The following TRIP11 variants were observed in gnomAD, a reference collection of about 807,000 sequenced individuals.
The protein encoded by TRIP11 is thyroid receptor-interacting protein 11.
In TRIP11, 148 loss-of-function variants were observed where a neutral mutation model predicts 223.1. That is an observed-to-expected ratio of 0.66 (90% confidence interval 0.58 to 0.76). TRIP11 has a LOEUF of 0.76. TRIP11 is among the 30% of genes least tolerant of loss of function. The pLI is 0.00. For synonymous variants in TRIP11, 762 were observed against 772.6 expected, an observed-to-expected ratio of 0.99 and a Z score of 0.23; for missense variants, 2,043 against 2,222.0, an observed-to-expected ratio of 0.92 and a Z score of 1.62.
chr14:91,992,736 C>T (rs1480918021), intron 15 of TRIP11, among the ~76,000 whole-genome samples: 3 of 151,516 alleles, frequency 2.0e-5, no homozygotes, highest in East Asian at 1.9e-4. Flanking sequence ...GGTGAAACCT[C>T]GTCTCTACTA....
Position 92,004,061 on chromosome 14 carries a change from A to G in TRIP11, c.3915T>C (p.Leu1305=). The change falls in exon 11 of 21, where the codon CTT becomes CTC. Residue 1305 remains leucine, a synonymous_variant. Transcript: ENST00000267622. ...IGQLCNTKDL[L]LGKLDIISPQ... ...GTGAAATAATATCAAGTTTTCCTAA[A>G]AGAAGATCCTTGGTATTGCAAAGCT... is the stretch of plus-strand genomic sequence containing the variant. The G allele has an allele frequency of 6.2e-7, 1 of 1,614,182 alleles. No individual in the cohort carries two copies. Among genetic ancestry groups the G allele is most frequent in the Non-Finnish European group, 8.5e-7 (1 of 1,180,036 alleles).
chr14:92,036,080 G>T (rs1172606753), intron 1 of TRIP11, among the ~76,000 whole-genome samples: 1 of 152,138 alleles, frequency 6.6e-6, no homozygotes, highest in Non-Finnish European at 1.5e-5. Context: ...TCTGTGGTTG[G>T]TTGTACATCT....
At chr14:91,990,806 G>A (rs1206568206) in intron 15 of TRIP11, among the ~76,000 whole-genome samples, 1 of 152,200 alleles carries the variant, frequency 6.6e-6, no homozygotes, top group Non-Finnish European at 1.5e-5. Flanking sequence ...GCAAGACTCT[G>A]TCTCTAAGAA....
Position 91,969,954 on chromosome 14 carries a change from C to T in TRIP11, c.5720-61G>A, listed in dbSNP as rs936187347. 1.1e-5 allele frequency: 16 copies of T among 1,468,322 alleles called. No homozygotes were observed. In the African/African-American group the frequency reaches 1.8e-4, roughly 17 times the overall value. The allele number at this position is 1,468,322 out of a possible 1,614,324, so 91.0% of individuals were successfully genotyped here. A position where few individuals can be genotyped will look rare whatever the true frequency, so the allele number is the denominator to read the frequency against. On this transcript the variant is annotated intron_variant, in intron 20 of 20. Transcript: ENST00000267622. ...TCACAAAGAAGTCAAAATGAAATAA[C>T]TCTGAATGTAATAGCATAAAGTTAT...
At chr14:92,017,296 T>C (rs1002170880) in intron 5 of TRIP11, among the ~76,000 whole-genome samples, 1 of 152,046 alleles carries the variant, frequency 6.6e-6, no homozygotes, top group Non-Finnish European at 1.5e-5. Flanking sequence ...AATCCCAGCG[T>C]TGTGGGAGGC....
chr14:91,995,601 C>T (rs1372032626), intron 13 of TRIP11, 86 bp from the exon 14 acceptor site: 2 of 1,304,222 alleles, frequency 1.5e-6, no homozygotes, highest in East Asian at 2.6e-5. Flanking sequence ...CATCTTATTA[C>T]TTTATTTTAT....
At chr14:91,985,108 C>G (rs2056590140) in intron 16 of TRIP11, among the ~76,000 whole-genome samples, 1 of 152,098 alleles carries the variant, frequency 6.6e-6, no homozygotes, top group Non-Finnish European at 1.5e-5. Flanking sequence ...ACTCAAGTTC[C>G]TTTTCTCCAT....
intron 2 of TRIP11, among the ~76,000 whole-genome samples, chr14:92,029,143 T>A (rs772038856): frequency 6.6e-6 from 1 of 152,102 alleles, no homozygotes; most frequent in African/African-American, 2.4e-5. Context: ...ATGGGAATTT[T>A]AAAAAATCAT....
intron 16 of TRIP11, among the ~76,000 whole-genome samples, chr14:91,983,138 C>A (rs1423590674): frequency 6.6e-6 from 1 of 152,222 alleles, no homozygotes; most frequent in Non-Finnish European, 1.5e-5. Context: ...ATGCTACCAA[C>A]ACCAAGTACA....
chr14:92,038,375 G>C (rs945947784), intron 1 of TRIP11, among the ~76,000 whole-genome samples: 61 of 152,032 alleles, frequency 4.0e-4, no homozygotes, highest in African/African-American at 1.3e-3. Context: ...GCTTCTGACT[G>C]CCCTCAAGGT....
intron 13 of TRIP11, among the ~76,000 whole-genome samples, chr14:91,997,579 G>C (rs928379419): frequency 1.3e-5 from 2 of 152,034 alleles, no homozygotes; most frequent in African/African-American, 4.8e-5. Flanking sequence ...TGGAATTGAA[G>C]AATAGGCAAG....
In TRIP11 at chr14:91,988,367, G is replaced by A. The variant is rs767004056; in HGVS notation, c.5177C>T (p.Ala1726Val). The change falls in exon 16 of 21, where the codon GCA becomes GTA. Residue 1726 changes from alanine to valine, a missense_variant. Transcript: ENST00000267622. ...VISLQECLDE[A>V]NAALDSASRL... ...TGATGCTGAATCCAATGCAGCATTT[G>A]CTTCATCCAAACATTCCTGAGAAAG... 6.2e-7 allele frequency: 1 copy of A among 1,613,580 alleles called. No homozygotes were observed. Among genetic ancestry groups the A allele is most frequent in the Admixed American group, 1.7e-5 (1 of 59,994 alleles).
intron 2 of TRIP11, among the ~76,000 whole-genome samples, chr14:92,030,203 C>CAAAAA (rs55828319): frequency 2.4e-4 from 16 of 67,064 alleles, no homozygotes; most frequent in East Asian, 1.5e-3. Context: ...GACTCCGTCT[C>CAAAAA]AAAAAAAAAA....
chr14:92,021,896 A>G (rs1595403380), intron 3 of TRIP11, 65 bp from the exon 4 acceptor site: 1 of 1,550,874 alleles, frequency 6.4e-7, no homozygotes, highest in East Asian at 2.3e-5. Flanking sequence ...CTTTTTATAG[A>G]TTTGTATTAA....
At chr14:91,996,630 T>G (rs1351901811) in intron 13 of TRIP11, among the ~76,000 whole-genome samples, 1 of 152,336 alleles carries the variant, frequency 6.6e-6, no homozygotes, top group East Asian at 1.9e-4. Context: ...TAATTTATCA[T>G]AAAATGTTTT....
chr14:91,999,176 C>T lies in TRIP11; in HGVS notation c.4892+64G>A. The stretch of plus-strand genomic sequence containing the variant: ...AGGATGAGCTAACATACAAAAAATA[C>T]TTACTGAGTCTGATATTTAAGAAGT... On this transcript the variant is annotated intron_variant, in intron 13 of 20. Coordinates refer to ENST00000267622, the MANE Select transcript of TRIP11 (RefSeq NM_004239.4). The T allele has an allele frequency of 4.5e-6, 7 of 1,539,084 alleles. No homozygotes were observed. The South Asian group carries it at 5.8e-5, about 13-fold the overall frequency.
chr14:92,013,178 C>T (rs1041841285), intron 7 of TRIP11, among the ~76,000 whole-genome samples: 3 of 152,118 alleles, frequency 2.0e-5, no homozygotes, highest in Admixed American at 2.0e-4. Flanking sequence ...GAGGGAGGAG[C>T]ATCACTTGAA....
intron 20 of TRIP11, among the ~76,000 whole-genome samples, chr14:91,971,461 T>C (rs1012617209): frequency 1.3e-5 from 2 of 151,922 alleles, no homozygotes; most frequent in African/African-American, 4.8e-5. Context: ...TTTTGTATCC[T>C]ATCAATACAA....
At chr14:91,976,833 A>C (rs188590984) in intron 16 of TRIP11, among the ~76,000 whole-genome samples, 2 of 152,304 alleles carry the variant, frequency 1.3e-5, no homozygotes, top group Admixed American at 1.3e-4. Flanking sequence ...AAATCCATAA[A>C]ATCTTGGTGG....
Sources: allele counts gnomAD v4.1 joint callset (sites outside exome capture counted in the v4.1 genomes callset), GRCh38; gene constraint gnomAD v4.1.1; transcripts MANE v1.5; gene names NCBI Gene and HGNC (gene_info 2026-07-23, HGNC 2026-07-21).